Variants in ADARB2 observed in about 807,000 individuals in gnomAD.
The protein encoded by ADARB2 is adenosine deaminase RNA specific B2 (inactive), also known as inactive double-stranded RNA-specific editase B2.
In ADARB2, 25 loss-of-function variants were observed where a neutral mutation model predicts 62.2. The observed-to-expected ratio is 0.40, with a 90% CI of 0.29 to 0.56. The LOEUF (loss-of-function observed/expected upper bound fraction) is 0.56, where lower values mean the gene tolerates loss of function less well. Among genes scored for constraint, ADARB2 ranks in the 20% least tolerant of loss-of-function variants. The pLI, the probability that ADARB2 is intolerant of heterozygous loss-of-function variation, is 0.43. For synonymous variants in ADARB2, 572 were observed against 500.8 expected, an observed-to-expected ratio of 1.14 and a Z score of -1.90; for missense variants, 1,071 against 1,077.4, an observed-to-expected ratio of 0.99 and a Z score of 0.08.
chr10:1,216,272 C>T (rs1184426634), intron 7 of ADARB2: 1 of 136,656 alleles, frequency 7.3e-6, no homozygotes, highest in Non-Finnish European at 1.6e-5. Context: ...GGCATCAGGC[C>T]AAGGTAGGGG....
At chr10:1,621,480 A>C (rs930728059) in intron 1 of ADARB2, among the ~76,000 whole-genome samples, 4 of 151,090 alleles carry the variant, frequency 2.6e-5, no homozygotes, top group African/African-American at 9.8e-5. Context: ...CAGTGGCATG[A>C]TCACAGCTCA....
chr10:1,518,658 A>G (rs1191983991), intron 1 of ADARB2, among the ~76,000 whole-genome samples: 1 of 152,048 alleles, frequency 6.6e-6, no homozygotes, highest in Non-Finnish European at 1.5e-5. Context: ...TGGTATTGCC[A>G]TATGCAAGTA....
At chr10:1,247,400 C>T (rs1389812273) in intron 4 of ADARB2, among the ~76,000 whole-genome samples, 4 of 152,312 alleles carry the variant, frequency 2.6e-5, no homozygotes, top group African/African-American at 9.6e-5. Flanking sequence ...GCATCCCTGT[C>T]TTGTGCCAGT....
At chr10:1,289,446 T>G (rs1030658144) in intron 3 of ADARB2, among the ~76,000 whole-genome samples, 1 of 152,218 alleles carries the variant, frequency 6.6e-6, no homozygotes, top group Non-Finnish European at 1.5e-5. Context: ...CAGATACTTT[T>G]GGGTTCACGT....
At chr10:1,191,375 G>T (rs1443278232) in intron 8 of ADARB2, among the ~76,000 whole-genome samples, 2 of 152,208 alleles carry the variant, frequency 1.3e-5, no homozygotes, top group East Asian at 3.9e-4. Flanking sequence ...GGCCTCCGTT[G>T]GGTAGGACCT....
chr10:1,432,995 A>C (rs2131890703), intron 1 of ADARB2, among the ~76,000 whole-genome samples: 1 of 152,252 alleles, frequency 6.6e-6, no homozygotes, highest in Non-Finnish European at 1.5e-5. Context: ...AACCTGGCTG[A>C]TATACATCCT....
chr10:1,736,585 G>A (rs922229906), intron 1 of ADARB2, among the ~76,000 whole-genome samples: 2 of 152,240 alleles, frequency 1.3e-5, no homozygotes, highest in African/African-American at 4.8e-5. Flanking sequence ...AGCCAATTTG[G>A]AGAGGCGATC....
chr10:1,717,022 GTTATTCTGATCACA>G (rs1452733654), intron 1 of ADARB2, among the ~76,000 whole-genome samples: 1 of 151,950 alleles, frequency 6.6e-6, no homozygotes, highest in African/African-American at 2.4e-5. Flanking sequence ...TTCTGATCAC[GTTATTCTGATCACA>G]TTATTCTGAT....
At chr10:1,422,362 G>A (rs559166324) in intron 1 of ADARB2, among the ~76,000 whole-genome samples, 1 of 152,208 alleles carries the variant, frequency 6.6e-6, no homozygotes, top group Admixed American at 6.5e-5. Context: ...GGACTCGGGA[G>A]TGAGAGGGAG....
intron 1 of ADARB2, among the ~76,000 whole-genome samples, chr10:1,496,855 C>A (rs1433431836): frequency 6.6e-6 from 1 of 152,178 alleles, no homozygotes; most frequent in Non-Finnish European, 1.5e-5. Context: ...CGGAGAGCAA[C>A]GCACACTGGG....
rs1172201443 is a variant in ADARB2, at chr10:1,444,664, TCATC to T, written c.101-65508_101-65505del. Among the ~76,000 whole-genome samples the T allele has an allele frequency of 9.1e-4, 130 of 142,324 alleles. 1 individual carries two copies. The highest frequency in any genetic ancestry group is 3.2e-3 in the African/African-American group (121 of 37,878). 93.4% of individuals were successfully genotyped at this position (142,324 alleles called of 152,430 possible). A position where few individuals can be genotyped will look rare whatever the true frequency, so the allele number is the denominator to read the frequency against. ...TCCATCCACCCACCCATTCACTCATTCATCCATCCATCCATCCACCCACTCACTC... is the reference window on the plus strand; with the variant it reads ...TCCATCCACCCACCCATTCACTCATTCATCCATCCATCCACCCACTCACTC... On this transcript the variant is annotated intron_variant, in intron 1 of 9. Transcript: ENST00000381312.
At chr10:1,703,178 G>T (rs1834844966) in intron 1 of ADARB2, among the ~76,000 whole-genome samples, 1 of 152,168 alleles carries the variant, frequency 6.6e-6, no homozygotes, top group African/African-American at 2.4e-5. Context: ...AAGGAAAAAA[G>T]GATGAGGGCT....
chr10:1,603,043 C>T (rs375663419), intron 1 of ADARB2, among the ~76,000 whole-genome samples: 105 of 151,050 alleles, frequency 7.0e-4, no homozygotes, highest in African/African-American at 2.5e-3. Flanking sequence ...TAAACACACA[C>T]GCACACACAC....
chr10:1,232,169 C>T (rs1589159475), intron 6 of ADARB2, among the ~76,000 whole-genome samples: 1 of 139,940 alleles, frequency 7.1e-6, no homozygotes, highest in African/African-American at 3.3e-5. Flanking sequence ...ACACATAGCA[C>T]ACACACCGCA....
At chr10:1,354,746 A>C (rs1832177411) in intron 3 of ADARB2, among the ~76,000 whole-genome samples, 1 of 152,184 alleles carries the variant, frequency 6.6e-6, no homozygotes, top group Admixed American at 6.5e-5. Context: ...TGGTTCATTT[A>C]AACGTTGGCT....
intron 3 of ADARB2, among the ~76,000 whole-genome samples, chr10:1,350,436 C>T (rs374744873): frequency 3.9e-5 from 6 of 152,190 alleles, no homozygotes; most frequent in African/African-American, 9.6e-5. Context: ...CATCAGCCTC[C>T]GCTCCTCTAC....
chr10:1,533,364 G>A (rs548163416), intron 1 of ADARB2, among the ~76,000 whole-genome samples: 28 of 151,140 alleles, frequency 1.9e-4, no homozygotes, highest in African/African-American at 6.3e-4. Context: ...TCCTGACCTC[G>A]TGATCTGCCT....
At chr10:1,573,583 C>T (rs1018627797) in intron 1 of ADARB2, among the ~76,000 whole-genome samples, 9 of 152,330 alleles carry the variant, frequency 5.9e-5, no homozygotes, top group South Asian at 2.1e-4. Context: ...GCAGTGGCCA[C>T]GGCGGCCTCC....
intron 1 of ADARB2, among the ~76,000 whole-genome samples, chr10:1,572,123 GCAGGTGAGTGTGCAGGTGAGTGGA>G (rs1199368922): frequency 6.1e-5 from 9 of 148,006 alleles, no homozygotes; most frequent in South Asian, 2.2e-4. Flanking sequence ...AGGTGAGTAG[GCAGGTGAGTGTGCAGGTGAGTGGA>G]CAGGTGAGTG....
Sources: allele counts gnomAD v4.1 joint callset (sites outside exome capture counted in the v4.1 genomes callset), GRCh38; gene constraint gnomAD v4.1.1; transcripts MANE v1.5; gene names NCBI Gene and HGNC (gene_info 2026-07-23, HGNC 2026-07-21).